SMAD9: variants seen among roughly 807,000 people sequenced by gnomAD.
The protein encoded by SMAD9 is SMAD family member 9.
A neutral mutation model predicts 46.1 loss-of-function variants in SMAD9; 36 were observed. That is an observed-to-expected ratio of 0.78 (90% CI 0.60 to 1.03). The LOEUF (loss-of-function observed/expected upper bound fraction) is 1.03, where lower values mean the gene tolerates loss of function less well. Ranked by LOEUF, SMAD9 falls within the 50% of genes least tolerant of loss-of-function variation. SMAD9 has a pLI of 0.00. For missense variants in SMAD9, 572 were observed against 599.8 expected, an observed-to-expected ratio of 0.95 and a Z score of 0.48; for synonymous variants, 245 against 237.1, an observed-to-expected ratio of 1.03 and a Z score of -0.31.
chr13:36,884,555 A>T (rs1434893207), intron 1 of SMAD9, among the ~76,000 whole-genome samples: 1 of 152,230 alleles, frequency 6.6e-6, no homozygotes, highest in African/African-American at 2.4e-5. Flanking sequence ...CACTTAAAAG[A>T]AAAGCAGCGC....
intron 1 of SMAD9, among the ~76,000 whole-genome samples, chr13:36,903,243 C>T (rs1200800104): frequency 6.6e-6 from 1 of 151,472 alleles, no homozygotes; most frequent in Non-Finnish European, 1.5e-5. Flanking sequence ...TCTCCTGCCT[C>T]AGGCTCCTGC....
At position 36,845,867 on chromosome 13, in the gene SMAD9, C is replaced by T. The variant is rs2058035508; in HGVS notation, c.*2809G>A. The T allele has an allele frequency of 6.6e-6, 1 of 152,186 alleles. No individual in the cohort carries two copies. Among genetic ancestry groups the T allele is most frequent in the Admixed American group, 6.5e-5 (1 of 15,298 alleles). 9.4% of individuals were successfully genotyped at this position (152,186 alleles called of 1,614,324 possible). The stretch of plus-strand genomic sequence containing the variant: ...ACATGACTGGTGATGATCATATGTG[C>T]CAATTTAATAATTTATTTGTCACAG... On this transcript the variant is annotated 3_prime_UTR_variant, in exon 7 of 7. Coordinates refer to ENST00000379826, the MANE Select transcript of SMAD9 (RefSeq NM_001127217.3).
At chr13:36,859,584 C>A (rs563538) in intron 5 of SMAD9, among the ~76,000 whole-genome samples, 3 of 152,072 alleles carry the variant, frequency 2.0e-5, no homozygotes, top group Non-Finnish European at 2.9e-5. Flanking sequence ...AATGCCATGG[C>A]GAACATGGTA....
chr13:36,854,406 C>T (rs376947716), intron 5 of SMAD9, among the ~76,000 whole-genome samples: 9 of 151,628 alleles, frequency 5.9e-5, no homozygotes, highest in African/African-American at 9.7e-5. Context: ...CTCGCTCTGT[C>T]GCCTAGGCTG....
intron 1 of SMAD9, among the ~76,000 whole-genome samples, chr13:36,916,086 C>T (rs660122): frequency 0.91 from 138,277 of 152,288 alleles, 63,332 homozygotes; most frequent in Non-Finnish European, 0.97. Context: ...AGACCCTTTA[C>T]ACATCCAACG....
At chr13:36,904,340 G>C (rs887378331) in intron 1 of SMAD9, among the ~76,000 whole-genome samples, 1 of 152,206 alleles carries the variant, frequency 6.6e-6, no homozygotes, top group Non-Finnish European at 1.5e-5. Context: ...AACAATATGT[G>C]AAGTGTATAA....
At chr13:36,873,735 C>A (rs2058319059) in intron 2 of SMAD9, among the ~76,000 whole-genome samples, 1 of 152,036 alleles carries the variant, frequency 6.6e-6, no homozygotes, top group Admixed American at 6.6e-5. Context: ...TGGTGGCGGG[C>A]ACCTGTAATC....
intron 2 of SMAD9, among the ~76,000 whole-genome samples, chr13:36,874,149 CA>C (rs1470120247): frequency 2.5e-4 from 38 of 152,210 alleles, no homozygotes; most frequent in Admixed American, 2.3e-3. Context: ...AAAGAAAATA[CA>C]AGGGGGAAGT....
intron 5 of SMAD9, among the ~76,000 whole-genome samples, chr13:36,860,146 T>G (rs1443307839): frequency 6.6e-6 from 1 of 152,140 alleles, no homozygotes; most frequent in African/African-American, 2.4e-5. Context: ...AACCTTCTTT[T>G]GGGGTCTGGG....
intron 1 of SMAD9, among the ~76,000 whole-genome samples, chr13:36,915,605 T>C (rs1449315734): frequency 2.6e-5 from 4 of 152,052 alleles, no homozygotes; most frequent in African/African-American, 7.2e-5. Flanking sequence ...GAATTGGAAA[T>C]TGTCATTATA....
intron 1 of SMAD9, among the ~76,000 whole-genome samples, chr13:36,912,891 C>T (rs1457501091): frequency 6.6e-6 from 1 of 152,116 alleles, no homozygotes; most frequent in Non-Finnish European, 1.5e-5. Flanking sequence ...ATACAGTCAT[C>T]CCCAGGTATC....
intron 1 of SMAD9, among the ~76,000 whole-genome samples, chr13:36,915,142 TCA>T (rs1248177699): frequency 6.6e-6 from 1 of 152,216 alleles, no homozygotes; most frequent in Non-Finnish European, 1.5e-5. Flanking sequence ...TGTGGCTACC[TCA>T]CAGTGTTCAC....
chr13:36,878,711 T>G (rs1276412256), intron 2 of SMAD9, among the ~76,000 whole-genome samples: 3 of 152,132 alleles, frequency 2.0e-5, no homozygotes, highest in African/African-American at 7.2e-5. Flanking sequence ...TAGTTCAGTT[T>G]AGTACAGTTC....
At chr13:36,907,205 A>G (rs2058626652) in intron 1 of SMAD9, among the ~76,000 whole-genome samples, 1 of 152,314 alleles carries the variant, frequency 6.6e-6, no homozygotes, top group Middle Eastern at 3.4e-3. Context: ...CATAGAGAAG[A>G]AAGTAGAATG....
At chr13:36,914,796 C>A (rs2058686614) in intron 1 of SMAD9, among the ~76,000 whole-genome samples, 1 of 152,176 alleles carries the variant, frequency 6.6e-6, no homozygotes, top group Non-Finnish European at 1.5e-5. Flanking sequence ...ATTCAGAAAG[C>A]AACTCCTGGC....
chr13:36,894,675 A>C (rs1311885468), intron 1 of SMAD9, among the ~76,000 whole-genome samples: 1 of 151,682 alleles, frequency 6.6e-6, no homozygotes, highest in Non-Finnish European at 1.5e-5. Context: ...AGGTCCAGTC[A>C]CCTCCATGGA....
rs1290775281 is a variant in SMAD9 at position 36,873,009 on chromosome 13, T to TTG, written c.413-95_413-94insCA. On this transcript the variant is annotated intron_variant, in intron 2 of 6. Coordinates refer to ENST00000379826, the MANE Select transcript of SMAD9 (RefSeq NM_001127217.3). ...TTGCTGTTCTTATCTATTTTTTGTTTATGATAGAGCTGTTTTTCCCCTTGG... is the reference window on the plus strand; with the variant it reads ...TTGCTGTTCTTATCTATTTTTTGTTTTGATGATAGAGCTGTTTTTCCCCTTGG... 1.8e-4 allele frequency: 258 copies of TTG among 1,437,944 alleles called. 1 individual carries two copies. The African/African-American group carries it at 2.3e-3, about 13-fold the overall frequency. 89.1% of individuals were successfully genotyped at this position (1,437,944 alleles called of 1,614,324 possible).
chr13:36,910,054 G>C (rs866408360), intron 1 of SMAD9, among the ~76,000 whole-genome samples: 3 of 151,992 alleles, frequency 2.0e-5, no homozygotes, highest in African/African-American at 7.2e-5. Flanking sequence ...AAAATTATCC[G>C]GGCGTGGTGG....
At chr13:36,886,914 A>G (rs1367484554) in intron 1 of SMAD9, among the ~76,000 whole-genome samples, 1 of 152,002 alleles carries the variant, frequency 6.6e-6, no homozygotes, top group Non-Finnish European at 1.5e-5. Flanking sequence ...GTGGCCAAGG[A>G]AGAGTGGGCA....
Sources: gnomAD v4.1 joint callset for allele counts (sites outside exome capture counted in the v4.1 genomes callset) on GRCh38, gnomAD v4.1.1 for gene constraint, MANE v1.5 for transcripts, NCBI Gene and HGNC (gene_info 2026-07-23, HGNC 2026-07-21) for gene names.